The following PHYKPL variants were observed in gnomAD, a reference collection of about 807,000 sequenced individuals.
PHYKPL encodes 5-phosphohydroxy-L-lysine phospho-lyase.
PHYKPL carries 42 observed loss-of-function variants against 51.3 expected under a neutral mutation model. That is an observed-to-expected ratio of 0.82 (90% CI 0.64 to 1.06). The LOEUF (loss-of-function observed/expected upper bound fraction) is 1.06. Among genes scored for constraint, PHYKPL ranks in the 50% least tolerant of loss-of-function variants. The probability of loss-of-function intolerance (pLI) is 0.00; values close to 1 mark genes in which losing one functional copy is unlikely to be tolerated. For synonymous variants in PHYKPL, 264 were observed against 236.0 expected (o/e 1.12, Z -1.09); for missense variants, 655 against 586.6 (o/e 1.12, Z -1.20).
intron 3 of PHYKPL, chr5:178,228,458 G>A (rs1376978448): frequency 4.3e-6 from 3 of 691,156 alleles, no homozygotes. Flanking sequence ...GAATAAAGCT[G>A]GTGGCATAAG....
At chr5:178,207,346 T>C (rs1161881766), downstream of PHYKPL, 13 of 1,195,352 alleles carry the variant, frequency 1.1e-5, no homozygotes, top group South Asian at 2.9e-5. Context: ...TTACTATTTC[T>C]CTGAAGCGTA....
At chr5:178,231,862 C>A in intron 1 of PHYKPL, 2 of 1,333,792 alleles carry the variant, frequency 1.5e-6, no homozygotes, top group South Asian at 2.5e-5. Flanking sequence ...CATAAGGCCG[C>A]GTGTCTTCGA....
At position 178,212,989 on chromosome 5, in the gene PHYKPL, C is replaced by T; in HGVS notation, c.1287G>A (p.Leu429=). The T allele has an allele frequency of 6.2e-7, 1 of 1,614,104 alleles. No homozygotes were observed. The highest frequency in any genetic ancestry group is 2.2e-5 in the East Asian group (1 of 44,888). ...CAAGCTCACCAGTCAGAATGGCATC[C>T]AGCTTTGCCACCACCTGCCGTGCAT... ...LDNARQVVAK[L]DAILTDMEEK... is the part of the protein sequence containing the mutation. The change falls in exon 11 of 13, where the codon CTG becomes CTA. Residue 429 remains leucine (L), a synonymous_variant. Coordinates refer to ENST00000308158, the MANE Select transcript of PHYKPL (RefSeq NM_153373.4).
At chr5:178,210,096 T>C (rs372368223) in intron 12 of PHYKPL, 34 of 1,608,200 alleles carry the variant, frequency 2.1e-5, no homozygotes, top group Non-Finnish European at 2.5e-5. Flanking sequence ...GTATGCTAAA[T>C]GGTCCACGGG....
intron 8 of PHYKPL, among the ~76,000 whole-genome samples, chr5:178,220,041 A>G (rs1184629073): frequency 6.6e-6 from 1 of 151,608 alleles, no homozygotes; most frequent in Non-Finnish European, 1.5e-5. Context: ...CAAAAATACA[A>G]AAAATTAGCT....
intron 11 of PHYKPL, among the ~76,000 whole-genome samples, chr5:178,212,592 T>C (rs956650795): frequency 6.6e-6 from 1 of 152,196 alleles, no homozygotes; most frequent in Admixed American, 6.5e-5. Flanking sequence ...TTGTGTGACC[T>C]GTCTCATGTA....
chr5:178,212,989 C>CA lies in PHYKPL; in HGVS notation c.1286dup (p.Asp430GlyfsTer6), dbSNP rs1758941794. 6.2e-7 allele frequency: 1 copy of CA among 1,613,986 alleles called. No homozygotes were observed. The highest frequency in any genetic ancestry group is 8.5e-7 in the Non-Finnish European group (1 of 1,179,994). On this transcript the variant is annotated frameshift_variant, in exon 11 of 13. Coordinates refer to ENST00000308158, the MANE Select transcript of PHYKPL (RefSeq NM_153373.4). LOFTEE classifies it high-confidence loss of function. ...CAAGCTCACCAGTCAGAATGGCATCCAGCTTTGCCACCACCTGCCGTGCAT... is the reference window on the plus strand; with the variant it reads ...CAAGCTCACCAGTCAGAATGGCATCCAAGCTTTGCCACCACCTGCCGTGCAT...
intron 8 of PHYKPL, chr5:178,216,137 G>A (rs1759731363): frequency 6.6e-6 from 1 of 151,922 alleles, no homozygotes; most frequent in African/African-American, 2.4e-5. Context: ...ATCACTTCCT[G>A]TGCAACCGTC....
At position 178,225,337 on chromosome 5, in the gene PHYKPL, G is replaced by A. The variant is rs1161995680; in HGVS notation, c.413+18C>T. 1.9e-6 allele frequency: 3 copies of A among 1,613,986 alleles called. No individual in the cohort carries two copies. The highest frequency in any genetic ancestry group is 1.7e-5 in the Admixed American group (1 of 60,016). Reference sequence around the variant, plus strand: ...GGGCCAGGCTTCTGGGAACGGTAGGGCTGTGAGTTGCACTTACTGATCTAA... The same window carrying A: ...GGGCCAGGCTTCTGGGAACGGTAGGACTGTGAGTTGCACTTACTGATCTAA... On this transcript the variant is annotated intron_variant, in intron 4 of 12. Coordinates refer to ENST00000308158, the MANE Select transcript of PHYKPL (RefSeq NM_153373.4).
In PHYKPL at chr5:178,231,440, G is replaced by GC. The variant is rs1412920342; in HGVS notation, c.142dup (p.Ala48GlyfsTer26). 6.2e-7 allele frequency: 1 copy of GC among 1,614,178 alleles called. No homozygotes were observed. The highest frequency in any genetic ancestry group is 1.7e-5 in the Admixed American group (1 of 60,016). On this transcript the variant is annotated frameshift_variant, in exon 2 of 13. Coordinates refer to ENST00000308158, the MANE Select transcript of PHYKPL (RefSeq NM_153373.4). LOFTEE classifies it high-confidence loss of function. ...ATTGCTGATGCAATCGATGTATTCT[G>GC]CCCCCTGTTCATCGTACATGTACTG...
chr5:178,227,756 G>A (rs1762577095), intron 3 of PHYKPL, among the ~76,000 whole-genome samples: 1 of 152,228 alleles, frequency 6.6e-6, no homozygotes, highest in Non-Finnish European at 1.5e-5. Flanking sequence ...GCCTCTGGCT[G>A]TGTCTAATGG....
intron 8 of PHYKPL, among the ~76,000 whole-genome samples, chr5:178,221,056 A>G (rs959880194): frequency 2.0e-5 from 3 of 152,216 alleles, no homozygotes; most frequent in African/African-American, 7.2e-5. Flanking sequence ...GATATTATCA[A>G]GGTCTAAGCT....
chr5:178,224,597 C>A (rs866255911), intron 5 of PHYKPL, 33 bp from the exon 6 acceptor site: 10 of 1,614,108 alleles, frequency 6.2e-6, no homozygotes, highest in African/African-American at 2.7e-5. Flanking sequence ...GTTATCCGGG[C>A]TTGGGGACAG....
At chr5:178,212,128 G>GA (rs1418122305) in intron 11 of PHYKPL, among the ~76,000 whole-genome samples, 158 bp from the exon 12 acceptor site, 1 of 152,256 alleles carries the variant, frequency 6.6e-6, no homozygotes, top group Non-Finnish European at 1.5e-5. Flanking sequence ...GCAGTTTCCT[G>GA]AAAAACAAAG....
Position 178,213,112 on chromosome 5 carries a change from A to T in PHYKPL, c.1173-9T>A. The T allele has an allele frequency of 1.2e-6, 2 of 1,613,658 alleles. No homozygotes were observed. The highest frequency in any genetic ancestry group is 1.7e-6 in the Non-Finnish European group (2 of 1,179,806). ...CGTAGTTCTCCTTCAGCCTGTGAGG[A>T]CAGGACACCCCTTCACATGGCCTTC... On this transcript the variant is annotated splice_polypyrimidine_tract_variant and intron_variant, in intron 10 of 12. Coordinates refer to ENST00000308158, the MANE Select transcript of PHYKPL (RefSeq NM_153373.4).
At chr5:178,228,324 G>A (rs1762685983) in intron 3 of PHYKPL, 1 of 565,664 alleles carries the variant, frequency 1.8e-6, no homozygotes, top group East Asian at 2.9e-5. Flanking sequence ...CAGTGCCCGG[G>A]AAGCAAGATG....
rs1396682876 is a variant in PHYKPL at position 178,232,284 on chromosome 5, C to T, written c.59+208G>A. 4 of 1,245,248 alleles carry T rather than the reference C, an allele frequency of 3.2e-6. No individual in the cohort carries two copies. The African/African-American group carries it at 4.7e-5, about 15-fold the overall frequency. 77.1% of individuals were successfully genotyped at this position (1,245,248 alleles called of 1,614,324 possible). A position where few individuals can be genotyped will look rare whatever the true frequency, so the allele number is the denominator to read the frequency against. The stretch of plus-strand genomic sequence containing the variant: ...GACGGCGCTGTCGGGGAGGCGGCCC[C>T]GGAGACCACCCGCCGGGACTGCCCA... On this transcript the variant is annotated intron_variant, in intron 1 of 12. Coordinates refer to ENST00000308158, the MANE Select transcript of PHYKPL (RefSeq NM_153373.4).
chr5:178,229,463 C>G (rs964238467), intron 3 of PHYKPL, among the ~76,000 whole-genome samples: 1 of 152,186 alleles, frequency 6.6e-6, no homozygotes, highest in East Asian at 1.9e-4. Context: ...TTCTAGTTAT[C>G]TCCTAGTCAG....
At chr5:178,207,251 C>T, downstream of PHYKPL, 5 of 1,612,380 alleles carry the variant, frequency 3.1e-6, no homozygotes, top group South Asian at 5.5e-5. Context: ...CTCTGCTTGG[C>T]CTCCTGTGCT....
Sources: gnomAD v4.1 joint callset for allele counts (sites outside exome capture counted in the v4.1 genomes callset) on GRCh38, gnomAD v4.1.1 for gene constraint, MANE v1.5 for transcripts, NCBI Gene and HGNC (gene_info 2026-07-23, HGNC 2026-07-21) for gene names.